Variants in SIK3 observed in about 807,000 individuals in gnomAD.
SIK3 encodes the protein SIK family kinase 3.
In SIK3, 28 loss-of-function variants were observed where a neutral mutation model predicts 144.2. The observed-to-expected ratio is 0.19, with a 90% CI of 0.14 to 0.27. The LOEUF is 0.27. SIK3 is among the 10% of genes least tolerant of loss of function. SIK3 has a pLI of 1.00. For synonymous variants in SIK3, 686 were observed against 676.3 expected (o/e 1.01, Z -0.22); for missense variants, 1,319 against 1,776.0 (o/e 0.74, Z 4.62).
At chr11:116,868,384 G>T (rs1478684382) in intron 14 of SIK3, among the ~76,000 whole-genome samples, 1 of 152,150 alleles carries the variant, frequency 6.6e-6, no homozygotes, top group African/African-American at 2.4e-5. Flanking sequence ...CATTCTACTC[G>T]GTAGAAGAAT....
intron 1 of SIK3, among the ~76,000 whole-genome samples, chr11:117,033,484 G>A (rs1591577989): frequency 6.6e-6 from 1 of 151,980 alleles, no homozygotes; most frequent in Non-Finnish European, 1.5e-5. Context: ...GGTGGATCAC[G>A]AGGTCAAGAG....
In SIK3 at chr11:116,849,597, A is replaced by G. The variant is rs1942270386; in HGVS notation, c.3656-314T>C. Among the ~76,000 whole-genome samples, 1 of 152,126 alleles carries G rather than the reference A, an allele frequency of 6.6e-6. No homozygotes were observed. Among genetic ancestry groups the G allele is most frequent in the South Asian group, 2.1e-4 (1 of 4,830 alleles). On this transcript the variant is annotated intron_variant, in intron 21 of 24. Transcript: ENST00000445177. The surrounding 1 kb of genome is among the most constrained non-coding windows in gnomAD (Gnocchi z 4.2). The stretch of plus-strand genomic sequence containing the variant: ...GATCTATTCCCAAACCTAAATGCAC[A>G]TGAGAATTACTCTCGGAGCTTTCAG...
chr11:117,044,530 A>C (rs1336844145), intron 1 of SIK3, among the ~76,000 whole-genome samples: 5 of 152,168 alleles, frequency 3.3e-5, no homozygotes. Flanking sequence ...GCCTGCCAGG[A>C]AACAGTATTT....
chr11:116,929,610 C>A (rs948397458), intron 3 of SIK3, among the ~76,000 whole-genome samples: 9 of 152,224 alleles, frequency 5.9e-5, no homozygotes, highest in African/African-American at 1.9e-4. Context: ...AGTGACACAT[C>A]AGTTGTCCCT....
chr11:117,054,670 C>T (rs1431295759), intron 1 of SIK3, among the ~76,000 whole-genome samples: 1 of 152,180 alleles, frequency 6.6e-6, no homozygotes, highest in Admixed American at 6.5e-5. Flanking sequence ...TGGTGGTTCA[C>T]ACCTGTAATC....
chr11:117,035,906 T>A, intron 1 of SIK3: 1 of 1,596,642 alleles, frequency 6.3e-7, no homozygotes, highest in Non-Finnish European at 8.5e-7. Flanking sequence ...CGTTTGTGCA[T>A]GGCTAAAGAC....
chr11:116,856,744 C>A (rs1019218479), intron 21 of SIK3, among the ~76,000 whole-genome samples: 2 of 152,200 alleles, frequency 1.3e-5, no homozygotes, highest in African/African-American at 2.4e-5. Context: ...CTGGCACCAC[C>A]AAGGCGTTTT....
chr11:116,865,600 T>A lies in SIK3; in HGVS notation c.1953-1782A>T, dbSNP rs573098048. ...TCTATCTTGTGTTAGTTTAAAAAAA[T>A]TTTTTAGTTACACTTTTTAAAACAT... On this transcript the variant is annotated intron_variant, in intron 15 of 24. Transcript: ENST00000445177. 2.2e-4 allele frequency among the ~76,000 whole-genome samples: 33 copies of A among 152,112 alleles called. 1 individual carries two copies. In the South Asian group the frequency reaches 4.1e-3, roughly 19 times the overall value.
chr11:116,909,709 C>T (rs1419316137), intron 4 of SIK3, among the ~76,000 whole-genome samples: 1 of 152,120 alleles, frequency 6.6e-6, no homozygotes, highest in Admixed American at 6.5e-5. Context: ...TAGGGCCTAG[C>T]ACAGTGCTGA....
intron 22 of SIK3, among the ~76,000 whole-genome samples, chr11:116,848,320 C>G (rs1434174374): frequency 6.6e-6 from 1 of 152,092 alleles, no homozygotes; most frequent in African/African-American, 2.4e-5. Flanking sequence ...GCACTCCAAC[C>G]TGGGTGACAG....
intron 3 of SIK3, among the ~76,000 whole-genome samples, chr11:116,943,912 T>TAAAAA (rs34561422): frequency 6.9e-6 from 1 of 144,804 alleles, no homozygotes; most frequent in African/African-American, 2.5e-5. Flanking sequence ...CATTTAAAAG[T>TAAAAA]AAAAAAAAAA....
chr11:116,867,839 G>T lies in SIK3; in HGVS notation c.1952+107C>A. 1.7e-6 allele frequency: 2 copies of T among 1,167,548 alleles called. No homozygotes were observed. Among genetic ancestry groups the T allele is most frequent in the Non-Finnish European group, 2.3e-6 (2 of 851,842 alleles). 72.3% of individuals were successfully genotyped at this position (1,167,548 alleles called of 1,614,324 possible). Reference sequence around the variant, plus strand: ...AGATGTGAGTTCAGGATGACAGCTGGCTTCTATTTAAAGCCACGATGCTAG... The same window carrying T: ...AGATGTGAGTTCAGGATGACAGCTGTCTTCTATTTAAAGCCACGATGCTAG... On this transcript the variant is annotated intron_variant, in intron 15 of 24. Coordinates refer to ENST00000445177, the MANE Select transcript of SIK3 (RefSeq NM_001366686.3). The surrounding 1 kb of genome is among the most constrained non-coding windows in gnomAD (Gnocchi z 4.1).
chr11:116,849,097 T>G lies in SIK3; in HGVS notation c.3819+23A>C, dbSNP rs768429378. ...CTGGGACTGGGAGGATCCACCTCTG[T>G]GCAGCAGGTGGGACCAACATACATA... On this transcript the variant is annotated intron_variant, in intron 22 of 24. Coordinates refer to ENST00000445177, the MANE Select transcript of SIK3 (RefSeq NM_001366686.3). The surrounding 1 kb of genome is among the most constrained non-coding windows in gnomAD (Gnocchi z 4.2). 1 of 1,562,626 alleles carries G rather than the reference T, an allele frequency of 6.4e-7. No homozygotes were observed. Among genetic ancestry groups the G allele is most frequent in the Non-Finnish European group, 8.7e-7 (1 of 1,149,846 alleles).
rs144373926 is a variant in SIK3, at chr11:116,921,030, G to C, written c.616+6189C>G. Among the ~76,000 whole-genome samples, 555 of 152,332 alleles carry C rather than the reference G, an allele frequency of 3.6e-3. 3 individuals are homozygous for C. The highest frequency in any genetic ancestry group is 0.013 in the African/African-American group (532 of 41,582). On this transcript the variant is annotated intron_variant, in intron 4 of 24. Coordinates refer to ENST00000445177, the MANE Select transcript of SIK3 (RefSeq NM_001366686.3). ...TCCAGCGATGCCGGCTCCATGCTGA[G>C]TGAGCTGTGTTGTGCCTCGTCAGTC... is the stretch of plus-strand genomic sequence containing the variant.
intron 3 of SIK3, among the ~76,000 whole-genome samples, chr11:116,948,620 ACTT>A (rs1948787038): frequency 6.6e-6 from 1 of 151,518 alleles, no homozygotes; most frequent in Non-Finnish European, 1.5e-5. Context: ...CCTTTCTTTC[ACTT>A]CTGATTCTAG....
intron 6 of SIK3, among the ~76,000 whole-genome samples, chr11:116,886,707 T>G (rs1036809423): frequency 2.0e-5 from 3 of 152,244 alleles, no homozygotes; most frequent in African/African-American, 7.2e-5. Flanking sequence ...TGCTAGCAGG[T>G]GGTACAACAG....
intron 1 of SIK3, among the ~76,000 whole-genome samples, chr11:116,974,006 A>C (rs1949858279): frequency 6.6e-6 from 1 of 152,226 alleles, no homozygotes; most frequent in South Asian, 2.1e-4. Flanking sequence ...ATTTGAGTAA[A>C]GTATGAACTT....
rs1941857322 is a variant in SIK3 at position 116,845,291 on chromosome 11, A to G, written c.*352T>C. 2 of 117,486 alleles carry G rather than the reference A, an allele frequency of 1.7e-5. No individual in the cohort carries two copies. Among genetic ancestry groups the G allele is most frequent in the Non-Finnish European group, 1.5e-5 (1 of 65,578 alleles). 7.3% of individuals were successfully genotyped at this position (117,486 alleles called of 1,614,324 possible). On this transcript the variant is annotated 3_prime_UTR_variant, in exon 25 of 25. Transcript: ENST00000445177. ...AACGAAAGAAAAAAAAGAAAGGAAG[A>G]AAAAAAAGAAAGTATATCACCTCTG...
At chr11:116,876,416 G>T in intron 7 of SIK3, 53 bp from the exon 8 acceptor site, 1 of 1,416,670 alleles carries the variant, frequency 7.1e-7, no homozygotes, top group Non-Finnish European at 1.0e-6. Context: ...CACATCAAAT[G>T]TGGCACAGCA....
Sources: allele counts gnomAD v4.1 joint callset (sites outside exome capture counted in the v4.1 genomes callset), GRCh38; gene constraint gnomAD v4.1.1; non-coding constraint Gnocchi (gnomAD v3.1); transcripts MANE v1.5; gene names NCBI Gene and HGNC (gene_info 2026-07-23, HGNC 2026-07-21).